PCDHGA1: variants seen among roughly 807,000 people sequenced by gnomAD.
PCDHGA1 encodes the protein protocadherin gamma-A1.
Under a neutral mutation model 58.0 loss-of-function variants are expected in PCDHGA1, and 32 were observed. That is an observed-to-expected ratio of 0.55 (90% CI 0.42 to 0.74). The LOEUF (loss-of-function observed/expected upper bound fraction) is 0.74. Ranked by LOEUF, PCDHGA1 falls within the 30% of genes least tolerant of loss-of-function variation. The pLI is 0.00. For synonymous variants in PCDHGA1, 498 were observed against 501.1 expected (o/e 0.99, Z 0.08); for missense variants, 1,205 against 1,182.3 (o/e 1.02, Z -0.28).
Position 141,332,968 on chromosome 5 carries a change from G to T in PCDHGA1, c.2284G>T (p.Asp762Tyr). 1.2e-6 allele frequency: 2 copies of T among 1,614,200 alleles called. No individual in the cohort carries two copies. Among genetic ancestry groups the T allele is most frequent in the Non-Finnish European group, 1.7e-6 (2 of 1,180,034 alleles). ...TTCCCACGAGGTCTCCCTCACTGCG[G>T]ACTCGCGGAAGAGCCACCTGATTTT... ...TYSHEVSLTA[D>Y]SRKSHLIFPQ... The change falls in exon 1 of 4, where the codon GAC becomes TAC. Residue 762 changes from aspartate (D) to tyrosine (Y), a missense_variant. Physicochemically the swap from Asp to Tyr is radical, Grantham distance 160. Coordinates refer to ENST00000517417, the MANE Select transcript of PCDHGA1 (RefSeq NM_018912.3). The surrounding 1 kb of genome is among the most constrained non-coding windows in gnomAD (Gnocchi z 4.6).
chr5:141,400,062 T>A (rs2093953641), intron 1 of PCDHGA1: 2 of 1,613,652 alleles, frequency 1.2e-6, no homozygotes, highest in Middle Eastern at 1.7e-4. Flanking sequence ...TGCGTGATGG[T>A]GGACAGCCGC....
intron 1 of PCDHGA1, among the ~76,000 whole-genome samples, chr5:141,406,072 C>CTTT (rs530474569): frequency 7.1e-6 from 1 of 141,484 alleles, no homozygotes. Flanking sequence ...ATTCTTACTC[C>CTTT]TTTTTTTTTT....
chr5:141,431,536 G>T lies in PCDHGA1; in HGVS notation c.2422-63271G>T. Reference sequence around the variant, plus strand: ...TTCCGGAGAATCTGGCCTTGGGCACGCAGCTGCTTGTAGTCAACGCTACCG... The same window carrying T: ...TTCCGGAGAATCTGGCCTTGGGCACTCAGCTGCTTGTAGTCAACGCTACCG... On this transcript the variant is annotated intron_variant, in intron 1 of 3. Coordinates refer to ENST00000517417, the MANE Select transcript of PCDHGA1 (RefSeq NM_018912.3). The surrounding 1 kb of genome is among the most constrained non-coding windows in gnomAD (Gnocchi z 4.8). 6.2e-7 allele frequency: 1 copy of T among 1,614,068 alleles called. No homozygotes were observed. Among genetic ancestry groups the T allele is most frequent in the Non-Finnish European group, 8.5e-7 (1 of 1,180,022 alleles).
At chr5:141,371,583 G>T (rs1767867513) in intron 1 of PCDHGA1, 3 of 1,613,828 alleles carry the variant, frequency 1.9e-6, no homozygotes, top group Non-Finnish European at 2.5e-6. Context: ...AATCGTTCAA[G>T]ATACCAAAAA....
intron 1 of PCDHGA1, chr5:141,430,977 A>G (rs761722055): frequency 1.2e-5 from 20 of 1,613,408 alleles, no homozygotes; most frequent in Middle Eastern, 1.7e-4. Flanking sequence ...GGTAGGACGC[A>G]GCTTTTCGCC....
intron 1 of PCDHGA1, among the ~76,000 whole-genome samples, chr5:141,481,749 C>T (rs958851030): frequency 6.6e-6 from 1 of 151,976 alleles, no homozygotes; most frequent in Non-Finnish European, 1.5e-5. Context: ...GTCAGGAGTC[C>T]AAGACCAGCC....
chr5:141,384,714 A>G (rs750526941), intron 1 of PCDHGA1: 8 of 1,614,076 alleles, frequency 5.0e-6, no homozygotes, highest in African/African-American at 1.3e-5. Context: ...CCTGGCTGTC[A>G]TACCTCCTGC....
intron 1 of PCDHGA1, chr5:141,357,243 A>G (rs1301532002): frequency 6.2e-7 from 1 of 1,613,644 alleles, no homozygotes; most frequent in African/African-American, 1.3e-5. Flanking sequence ...TCAAGCCTTC[A>G]GCAGACCCAG....
intron 1 of PCDHGA1, chr5:141,389,112 C>G (rs376966829): frequency 1.2e-6 from 2 of 1,613,966 alleles, no homozygotes; most frequent in Non-Finnish European, 1.7e-6. Context: ...TGTTCTAGAC[C>G]GCGAGCAGAA....
At chr5:141,366,522 G>C (rs1159035033) in intron 1 of PCDHGA1, 2 of 1,614,158 alleles carry the variant, frequency 1.2e-6, no homozygotes, top group Non-Finnish European at 1.7e-6. Context: ...GAAGGCAGCA[G>C]GTTGGCGGGT....
chr5:141,441,884 C>A (rs2098281796), intron 1 of PCDHGA1: 10 of 343,702 alleles, frequency 2.9e-5, no homozygotes, highest in South Asian at 2.6e-4. Context: ...TACCTGGTCA[C>A]CAAGGTGGTG....
Position 141,330,834 on chromosome 5 carries a change from G to A in PCDHGA1, c.150G>A (p.Lys50=). ...DKGSFVGNIA[K]DLGLQPQELA... is the part of the protein sequence containing the mutation. Reference sequence around the variant, plus strand: ...GTTCCTTCGTAGGCAACATCGCCAAGGACCTAGGGCTGCAACCCCAGGAGC... The same window carrying A: ...GTTCCTTCGTAGGCAACATCGCCAAAGACCTAGGGCTGCAACCCCAGGAGC... The change falls in exon 1 of 4, where the codon AAG becomes AAA. Residue 50 remains lysine, a synonymous_variant. Transcript: ENST00000517417. 4 of 1,614,196 alleles carry A rather than the reference G, an allele frequency of 2.5e-6. No individual in the cohort carries two copies. Among genetic ancestry groups the A allele is most frequent in the South Asian group, 1.1e-5 (1 of 91,080 alleles).
intron 1 of PCDHGA1, chr5:141,422,162 A>T: frequency 6.4e-7 from 1 of 1,571,230 alleles, no homozygotes; most frequent in Non-Finnish European, 8.6e-7. Context: ...GATTTTGAAA[A>T]ATATAGATTC....
chr5:141,355,125 C>T (rs1759721268), intron 1 of PCDHGA1: 3 of 1,516,258 alleles, frequency 2.0e-6, no homozygotes, highest in African/African-American at 1.4e-5. Flanking sequence ...TTATTTTGGA[C>T]CCAGAAGATC....
intron 1 of PCDHGA1, chr5:141,341,344 A>G (rs777972828): frequency 1.2e-6 from 2 of 1,614,250 alleles, no homozygotes; most frequent in Admixed American, 3.3e-5. Context: ...AGGATTTTTT[A>G]TCAGCGCCTC....
intron 1 of PCDHGA1, among the ~76,000 whole-genome samples, chr5:141,401,626 C>T (rs1476531463): frequency 6.6e-6 from 1 of 152,174 alleles, no homozygotes; most frequent in Non-Finnish European, 1.5e-5. Flanking sequence ...TTTGTCTTAT[C>T]GTTTGGAGCT....
intron 1 of PCDHGA1, chr5:141,352,373 C>G: frequency 6.2e-7 from 1 of 1,614,052 alleles, no homozygotes. Flanking sequence ...CGCGGTGATT[C>G]TAGCGATCGC....
intron 1 of PCDHGA1, chr5:141,359,992 TC>T: frequency 2.9e-6 from 3 of 1,042,060 alleles, no homozygotes; most frequent in Non-Finnish European, 4.0e-6. Flanking sequence ...GAGGGGAACT[TC>T]CTGCACAAAC....
intron 1 of PCDHGA1, chr5:141,351,722 C>G (rs777803553): frequency 6.2e-7 from 1 of 1,613,810 alleles, no homozygotes; most frequent in East Asian, 2.2e-5. Flanking sequence ...CTACTCTATT[C>G]TGGCCAGTGA....
Sources: allele counts gnomAD v4.1 joint callset (sites outside exome capture counted in the v4.1 genomes callset), GRCh38; gene constraint gnomAD v4.1.1; non-coding constraint Gnocchi (gnomAD v3.1); transcripts MANE v1.5; gene names NCBI Gene and HGNC (gene_info 2026-07-23, HGNC 2026-07-21).